Variants in FBXL17 observed in about 807,000 individuals in gnomAD.
The protein encoded by FBXL17 is F-box and leucine rich repeat protein 17, also known as F-box/LRR-repeat protein 17.
FBXL17 carries 22 observed loss-of-function variants against 66.2 expected under a neutral mutation model. The ratio of observed to expected loss-of-function variants is 0.33; its 90% confidence interval spans 0.24 to 0.47. The LOEUF (loss-of-function observed/expected upper bound fraction) is 0.47, where lower values mean the gene tolerates loss of function less well. Among genes scored for constraint, FBXL17 ranks in the 20% least tolerant of loss-of-function variants. The pLI is 1.00. For missense variants in FBXL17, 878 were observed against 948.2 expected (o/e 0.93, Z 0.97); for synonymous variants, 474 against 400.5 (o/e 1.18, Z -2.19).
chr5:108,317,334 GT>G (rs796281587), intron 4 of FBXL17, among the ~76,000 whole-genome samples: 75 of 138,974 alleles, frequency 5.4e-4, no homozygotes, highest in African/African-American at 7.8e-4. Context: ...TTTGTTTTTT[GT>G]TTTTTTTTTT....
chr5:108,154,816 C>T lies in FBXL17; in HGVS notation c.1745+31301G>A, dbSNP rs150562671. ...GACCCAGCCAACCATTACCCCTGAA[C>T]AGACCAATGAACACCAAAGAAATTA... On this transcript the variant is annotated intron_variant, in intron 6 of 8. Coordinates refer to ENST00000542267, the MANE Select transcript of FBXL17 (RefSeq NM_001163315.3). Among the ~76,000 whole-genome samples the T allele has an allele frequency of 4.1e-3, 618 of 151,324 alleles. 2 individuals are homozygous for T. Among genetic ancestry groups the T allele is most frequent in the African/African-American group, 0.014 (590 of 41,290 alleles).
intron 7 of FBXL17, among the ~76,000 whole-genome samples, chr5:107,985,148 T>G (rs10044914): frequency 6.6e-6 from 1 of 152,054 alleles, no homozygotes; most frequent in Non-Finnish European, 1.5e-5. Context: ...TGCAATCCAC[T>G]GTTCTTAACA....
chr5:108,219,137 A>G (rs2150070128), intron 5 of FBXL17, among the ~76,000 whole-genome samples: 1 of 152,330 alleles, frequency 6.6e-6, no homozygotes, highest in African/African-American at 2.4e-5. Flanking sequence ...TCAAGTTTTT[A>G]AAATGTGGGT....
At chr5:108,319,265 TA>T (rs1759509801) in intron 4 of FBXL17, among the ~76,000 whole-genome samples, 1 of 151,860 alleles carries the variant, frequency 6.6e-6, no homozygotes, top group East Asian at 1.9e-4. Context: ...TCATTCCCAT[TA>T]AAACAGCATT....
intron 4 of FBXL17, among the ~76,000 whole-genome samples, chr5:108,313,395 G>A (rs1283953584): frequency 1.3e-5 from 2 of 152,046 alleles, no homozygotes; most frequent in African/African-American, 4.8e-5. Flanking sequence ...AGACACTTAA[G>A]GCCATTTAAT....
intron 6 of FBXL17, among the ~76,000 whole-genome samples, chr5:108,174,177 C>CTA: frequency 6.6e-6 from 1 of 152,170 alleles, no homozygotes; most frequent in South Asian, 2.1e-4. Flanking sequence ...TAACCCTATG[C>CTA]TATAGTTCAG....
intron 6 of FBXL17, among the ~76,000 whole-genome samples, chr5:108,131,704 A>G (rs1176741027): frequency 6.6e-6 from 1 of 152,162 alleles, no homozygotes; most frequent in Non-Finnish European, 1.5e-5. Context: ...TAATTATTAT[A>G]GTATTTGTTA....
intron 7 of FBXL17, among the ~76,000 whole-genome samples, chr5:107,957,114 CCTTT>C (rs1751692996): frequency 6.6e-6 from 1 of 152,106 alleles, no homozygotes; most frequent in African/African-American, 2.4e-5. Context: ...CCTGATTATT[CCTTT>C]CTTTCTTTTG....
chr5:108,326,143 A>C (rs114043496), intron 4 of FBXL17, among the ~76,000 whole-genome samples: 1 of 152,330 alleles, frequency 6.6e-6, no homozygotes, highest in African/African-American at 2.4e-5. Flanking sequence ...GAGCTTCATC[A>C]AAGTAAAAAC....
intron 4 of FBXL17, among the ~76,000 whole-genome samples, chr5:108,310,349 T>C (rs1451025575): frequency 6.6e-6 from 1 of 152,200 alleles, no homozygotes; most frequent in African/African-American, 2.4e-5. Flanking sequence ...TCTACCCAAA[T>C]ATCTTGACCT....
intron 5 of FBXL17, among the ~76,000 whole-genome samples, chr5:108,222,848 T>C (rs1416496218): frequency 2.6e-5 from 4 of 151,692 alleles, no homozygotes; most frequent in East Asian, 1.9e-4. Context: ...CTAATTTTTG[T>C]CTTTTAGTAG....
intron 6 of FBXL17, among the ~76,000 whole-genome samples, chr5:108,178,384 T>C (rs1466362685): frequency 6.6e-6 from 1 of 152,056 alleles, no homozygotes; most frequent in East Asian, 1.9e-4. Context: ...CCCGGAATAA[T>C]AGTTACTCCA....
At chr5:107,954,619 C>T (rs1158933629) in intron 7 of FBXL17, among the ~76,000 whole-genome samples, 2 of 152,124 alleles carry the variant, frequency 1.3e-5, no homozygotes, top group East Asian at 3.9e-4. Flanking sequence ...TAAAAACCCT[C>T]CTAATTAGTC....
At chr5:108,184,052 C>T (rs572999803) in intron 6 of FBXL17, among the ~76,000 whole-genome samples, 1 of 152,154 alleles carries the variant, frequency 6.6e-6, no homozygotes, top group South Asian at 2.1e-4. Flanking sequence ...AAGAAAATGT[C>T]ACTAGAATTT....
intron 6 of FBXL17, among the ~76,000 whole-genome samples, chr5:108,110,763 G>A (rs918439527): frequency 6.6e-6 from 1 of 151,172 alleles, no homozygotes; most frequent in Non-Finnish European, 1.5e-5. Flanking sequence ...AAAAAGGGGC[G>A]AATTTGTGCC....
At chr5:108,235,880 T>G (rs763357173) in intron 4 of FBXL17, among the ~76,000 whole-genome samples, 37 of 152,246 alleles carry the variant, frequency 2.4e-4, no homozygotes, top group Non-Finnish European at 2.1e-4. Flanking sequence ...GGTTCAATAC[T>G]GAAGAAATAC....
At chr5:108,076,420 T>C (rs1381413557) in intron 6 of FBXL17, among the ~76,000 whole-genome samples, 2 of 152,166 alleles carry the variant, frequency 1.3e-5, no homozygotes, top group Non-Finnish European at 2.9e-5. Flanking sequence ...TGAAAATAAG[T>C]GTTATTAAGA....
intron 7 of FBXL17, among the ~76,000 whole-genome samples, chr5:107,981,153 A>G (rs1460657143): frequency 6.6e-6 from 1 of 152,128 alleles, no homozygotes; most frequent in Non-Finnish European, 1.5e-5. Context: ...CTGAGGGTAG[A>G]CACTAAAGAG....
chr5:108,093,560 G>T (rs563632166), intron 6 of FBXL17, among the ~76,000 whole-genome samples: 1 of 152,148 alleles, frequency 6.6e-6, no homozygotes, highest in South Asian at 2.1e-4. Flanking sequence ...TTCCCTAAGG[G>T]TCACCAATGA....
Sources: gnomAD v4.1 joint callset for allele counts (sites outside exome capture counted in the v4.1 genomes callset) on GRCh38, gnomAD v4.1.1 for gene constraint, MANE v1.5 for transcripts, NCBI Gene and HGNC (gene_info 2026-07-23, HGNC 2026-07-21) for gene names.